DYNC2I1: variants seen among roughly 807,000 people sequenced by gnomAD.
DYNC2I1 encodes the protein cytoplasmic dynein 2 intermediate chain 1.
Under a neutral mutation model 133.4 loss-of-function variants are expected in DYNC2I1, and 89 were observed. That is an observed-to-expected ratio of 0.67 (90% CI 0.56 to 0.80). DYNC2I1 has a LOEUF of 0.80. DYNC2I1 is among the 30% of genes least tolerant of loss of function. The probability of loss-of-function intolerance (pLI) is 0.00; values close to 1 mark genes in which losing one functional copy is unlikely to be tolerated. For missense variants in DYNC2I1, 1,291 were observed against 1,314.5 expected, an observed-to-expected ratio of 0.98 and a Z score of 0.28; for synonymous variants, 504 against 484.3, an observed-to-expected ratio of 1.04 and a Z score of -0.54.
At chr7:158,895,188 A>G (rs1445217522) in intron 8 of DYNC2I1, among the ~76,000 whole-genome samples, 4 of 152,168 alleles carry the variant, frequency 2.6e-5, no homozygotes, top group Admixed American at 6.5e-5. Context: ...TTCATGGATT[A>G]TGCTTTTGGT....
chr7:158,855,556 C>T (rs1050336123), upstream of DYNC2I1, among the ~76,000 whole-genome samples: 4 of 152,286 alleles, frequency 2.6e-5, no homozygotes, highest in Middle Eastern at 3.4e-3. Context: ...GCAAGAAGGC[C>T]TGCTTTGGGA....
At chr7:158,853,627 G>A (rs1490646664), upstream of DYNC2I1, among the ~76,000 whole-genome samples, 3 of 151,412 alleles carry the variant, frequency 2.0e-5, no homozygotes, top group Non-Finnish European at 2.9e-5. Flanking sequence ...TTTAATTCAC[G>A]CAGAGCCGGC....
chr7:158,945,973 A>T lies in DYNC2I1; in HGVS notation c.*194A>T. The stretch of plus-strand genomic sequence containing the variant: ...CTACTTTTGAGTGGAAACAAAGAAC[A>T]TTCTAGCATTTACAAAACTTCCAGG... On this transcript the variant is annotated 3_prime_UTR_variant, in exon 25 of 25. Coordinates refer to ENST00000407559, the MANE Select transcript of DYNC2I1 (RefSeq NM_018051.5). This position sits in a 1 kb window ranked among gnomAD's most constrained non-coding sequence, Gnocchi z 4.1. 1.8e-6 allele frequency: 1 copy of T among 544,038 alleles called. No homozygotes were observed. Among genetic ancestry groups the T allele is most frequent in the Non-Finnish European group, 2.8e-6 (1 of 352,912 alleles). The allele number at this position is 544,038 out of a possible 1,614,324, so 33.7% of individuals were successfully genotyped here.
intron 1 of DYNC2I1, among the ~76,000 whole-genome samples, chr7:158,863,032 A>G (rs1842004486): frequency 6.7e-6 from 1 of 148,820 alleles, no homozygotes; most frequent in Non-Finnish European, 1.5e-5. Flanking sequence ...CCAAAGAGTG[A>G]GCAGCAGCAA....
intron 4 of DYNC2I1, among the ~76,000 whole-genome samples, chr7:158,952,960 C>G (rs979471464): frequency 2.0e-5 from 3 of 152,196 alleles, no homozygotes; most frequent in African/African-American, 7.2e-5. Flanking sequence ...CTGCCTCGGG[C>G]TCCTGCCCAA....
chr7:158,931,992 A>T (rs1850264174), intron 21 of DYNC2I1, among the ~76,000 whole-genome samples: 1 of 152,126 alleles, frequency 6.6e-6, no homozygotes, highest in Non-Finnish European at 1.5e-5. Context: ...TGGGGCCGAG[A>T]GGAGGAGCTG....
chr7:158,857,670 TG>T (rs1841419744), intron 1 of DYNC2I1, among the ~76,000 whole-genome samples: 1 of 151,382 alleles, frequency 6.6e-6, no homozygotes, highest in Non-Finnish European at 1.5e-5. Context: ...CCCGAGTAGG[TG>T]GGATTACAGA....
At chr7:158,841,597 A>T in the DYNC2I1 span, among the ~76,000 whole-genome samples, 1 of 152,226 alleles carries the variant, frequency 6.6e-6, no homozygotes, top group African/African-American at 2.4e-5. Flanking sequence ...TCACCTAGTG[A>T]ATAAATAAAA....
rs534642965 is a variant in DYNC2I1, at chr7:158,905,919, C to T, written c.1358-70C>T. On this transcript the variant is annotated intron_variant, in intron 10 of 24. Coordinates refer to ENST00000407559, the MANE Select transcript of DYNC2I1 (RefSeq NM_018051.5). ...GTTATATATGCCTATAATTGTTTTA[C>T]TCCAGATATTTTTTTGCTTGGAAGA... The T allele has an allele frequency of 8.3e-6, 10 of 1,200,942 alleles. No homozygotes were observed. The South Asian group carries it at 1.1e-4, about 13-fold the overall frequency. The allele number at this position is 1,200,942 out of a possible 1,614,324, so 74.4% of individuals were successfully genotyped here.
chr7:158,931,067 T>G (rs1554479267), intron 21 of DYNC2I1, among the ~76,000 whole-genome samples: 1 of 152,216 alleles, frequency 6.6e-6, no homozygotes, highest in Non-Finnish European at 1.5e-5. Flanking sequence ...TTTAAATTGG[T>G]CTTACTTAAC....
rs544577443 is a variant in DYNC2I1 at position 158,889,083 on chromosome 7, T to C, written c.990+2008T>C. ...CACACACACCCCTCCTGTTTTTCTT[T>C]TTTTTTTTTTTTTTTGACATGGGGT... On this transcript the variant is annotated intron_variant, in intron 7 of 24. Coordinates refer to ENST00000407559, the MANE Select transcript of DYNC2I1 (RefSeq NM_018051.5). 5.6e-4 allele frequency among the ~76,000 whole-genome samples: 83 copies of C among 147,104 alleles called. No individual in the cohort carries two copies. The East Asian group carries it at 0.014, about 24-fold the overall frequency.
chr7:158,934,905 A>G (rs1220868172), intron 23 of DYNC2I1, among the ~76,000 whole-genome samples: 1 of 152,226 alleles, frequency 6.6e-6, no homozygotes, highest in African/African-American at 2.4e-5. Flanking sequence ...TAGAGCACAA[A>G]TTGGTCATTT....
chr7:158,883,658 C>CT (rs762388455), intron 5 of DYNC2I1, among the ~76,000 whole-genome samples: 2,739 of 86,120 alleles, frequency 0.032, 93 homozygotes, highest in African/African-American at 0.076. Flanking sequence ...CCAGTGACTT[C>CT]TTTTTTTTTT....
Position 158,945,446 on chromosome 7 carries a change from T to G in DYNC2I1, c.3003-135T>G. On this transcript the variant is annotated intron_variant, in intron 24 of 24. Coordinates refer to ENST00000407559, the MANE Select transcript of DYNC2I1 (RefSeq NM_018051.5). The surrounding 1 kb of genome is among the most constrained non-coding windows in gnomAD (Gnocchi z 4.1). ...ACATTTATTTCTGGTCTAGCTTTCA[T>G]TTTGGCTATTGGTATTTTTAGAATT... 2 of 972,148 alleles carry G rather than the reference T, an allele frequency of 2.1e-6. No individual in the cohort carries two copies. Among genetic ancestry groups the G allele is most frequent in the Non-Finnish European group, 3.0e-6 (2 of 672,158 alleles). 60.2% of individuals were successfully genotyped at this position (972,148 alleles called of 1,614,324 possible).
chr7:158,932,718 G>A lies in DYNC2I1; in HGVS notation c.2547-1411G>A, dbSNP rs10247929. 3.5e-3 allele frequency among the ~76,000 whole-genome samples: 534 copies of A among 152,280 alleles called. 9 individuals carry two copies. The highest frequency in any genetic ancestry group is 0.012 in the African/African-American group (483 of 41,542). On this transcript the variant is annotated intron_variant, in intron 21 of 24. Transcript: ENST00000407559. ...GGAAGGGAGGCTGGAGTCAGGGAGA[G>A]CAGTTAGGAGGCTTCTGGAGTGACT...
intron 13 of DYNC2I1, 80 bp from the exon 14 acceptor site, chr7:158,914,153 C>T: frequency 6.2e-6 from 7 of 1,137,836 alleles, no homozygotes; most frequent in Non-Finnish European, 8.8e-6. Flanking sequence ...TTTGTTAGGC[C>T]TGTTTGAACT....
intron 10 of DYNC2I1, chr7:158,905,132 T>TG: frequency 4.8e-6 from 2 of 414,720 alleles, no homozygotes; most frequent in South Asian, 3.5e-5. Flanking sequence ...GTTCTTGTCT[T>TG]TCTTTTTCTT....
intron 8 of DYNC2I1, among the ~76,000 whole-genome samples, chr7:158,899,702 A>C (rs531104043): frequency 1.3e-5 from 2 of 152,284 alleles, no homozygotes; most frequent in South Asian, 4.1e-4. Context: ...TGATGGGTTT[A>C]TCAGGGGTTT....
intron 1 of DYNC2I1, among the ~76,000 whole-genome samples, chr7:158,864,071 G>T (rs1307556846): frequency 7.6e-6 from 1 of 131,120 alleles, no homozygotes. Context: ...CTTAGCTCCC[G>T]GTGTGTGTGT....
Sources: allele counts gnomAD v4.1 joint callset (sites outside exome capture counted in the v4.1 genomes callset), GRCh38; gene constraint gnomAD v4.1.1; non-coding constraint Gnocchi (gnomAD v3.1); transcripts MANE v1.5; gene names NCBI Gene and HGNC (gene_info 2026-07-23, HGNC 2026-07-21).